The following BLK variants were observed in gnomAD, a reference collection of about 807,000 sequenced individuals.
The protein encoded by BLK is BLK proto-oncogene, Src family tyrosine kinase, also known as tyrosine-protein kinase Blk.
Under a neutral mutation model 61.8 loss-of-function variants are expected in BLK, and 64 were observed. The ratio of observed to expected loss-of-function variants is 1.03; its 90% CI spans 0.85 to 1.27. BLK has a LOEUF of 1.27. BLK is among the 50% of genes most tolerant of loss of function. The probability of loss-of-function intolerance (pLI) is 0.00; values close to 1 mark genes in which losing one functional copy is unlikely to be tolerated. For missense variants in BLK, 853 were observed against 660.5 expected (o/e 1.29, Z -3.19); for synonymous variants, 351 against 272.0 (o/e 1.29, Z -2.86).
At chr8:11,532,324 A>G (rs1434840670) in intron 1 of BLK, among the ~76,000 whole-genome samples, 1 of 149,836 alleles carries the variant, frequency 6.7e-6, no homozygotes, top group African/African-American at 2.5e-5. Context: ...TCAGGCTCCC[A>G]AGTAGCTAGG....
chr8:11,558,534 G>A (rs1801336638), intron 10 of BLK: 1 of 411,060 alleles, frequency 2.4e-6, no homozygotes. Flanking sequence ...ACACACAGAT[G>A]CCAGGGACAT....
At chr8:11,545,772 G>C (rs1331308881) in intron 2 of BLK, 3 of 492,440 alleles carry the variant, frequency 6.1e-6, no homozygotes, top group Non-Finnish European at 1.1e-5. Flanking sequence ...TTAAGCCCAA[G>C]TGGTTGGGCT....
intron 1 of BLK, among the ~76,000 whole-genome samples, chr8:11,517,881 CT>C (rs1413673055): frequency 1.3e-5 from 2 of 152,196 alleles, no homozygotes; most frequent in Admixed American, 6.5e-5. Flanking sequence ...CTGAAATTGA[CT>C]TCTTGGAAAG....
intron 10 of BLK, 106 bp from the exon 11 acceptor site, chr8:11,561,196 G>A (rs1467379983): frequency 6.8e-7 from 1 of 1,472,276 alleles, no homozygotes; most frequent in South Asian, 1.2e-5. Context: ...CCAAGAAACA[G>A]CTCCTTCCCC....
intron 1 of BLK, among the ~76,000 whole-genome samples, chr8:11,533,604 G>A (rs1260773273): frequency 1.9e-5 from 2 of 107,338 alleles, no homozygotes; most frequent in Admixed American, 1.7e-4. Flanking sequence ...AGGAGGAGGA[G>A]AAGGAGGAGG....
intron 1 of BLK, among the ~76,000 whole-genome samples, chr8:11,501,944 G>C (rs1291669580): frequency 6.6e-6 from 1 of 152,250 alleles, no homozygotes; most frequent in African/African-American, 2.4e-5. Context: ...CAGACAAGAT[G>C]CTCTTTTAAG....
At position 11,555,376 on chromosome 8, in the gene BLK, C is replaced by A. The variant is rs775132094; in HGVS notation, c.664C>A (p.Arg222Ser). 10 of 1,614,008 alleles carry A rather than the reference C, an allele frequency of 6.2e-6. No homozygotes were observed. The highest frequency in any genetic ancestry group is 7.6e-6 in the Non-Finnish European group (9 of 1,180,028). Residue 222 changes from arginine to serine, a missense_variant, in exon 8 of 13, where the codon CGC becomes AGC. Physicochemically the swap from Arg to Ser is moderately radical, Grantham distance 110 (BLOSUM62 -1). Coordinates refer to ENST00000259089, the MANE Select transcript of BLK (RefSeq NM_001715.3). ...CCAGAGGCTGACCCTGCCCTGTGTG[C>A]GCCCGGCCCCGCAGAATCCCTGGGC... ...LCQRLTLPCVRPAPQNPWAQD... is the reference protein window; with the variant it reads ...LCQRLTLPCVSPAPQNPWAQD...
In BLK at chr8:11,507,384, T is replaced by C. The variant is rs537468397; in HGVS notation, c.-2+12793T>C. On this transcript the variant is annotated intron_variant, in intron 1 of 12. Transcript: ENST00000259089. ...GCAGTGGCCCTGGCCTGGACCACCA[T>C]GTAGATGTCACTAATGGATCCTCCC... Among the ~76,000 whole-genome samples the C allele has an allele frequency of 6.6e-5, 10 of 152,312 alleles. No individual in the cohort carries two copies. In the East Asian group the frequency reaches 1.5e-3, roughly 24 times the overall value.
chr8:11,556,825 T>C lies in BLK; in HGVS notation c.940T>C (p.Tyr314His). Residue 314 changes from tyrosine (Y) to histidine (H), a missense_variant, in exon 9 of 13, where the codon TAC becomes CAC. Physicochemically the swap from Tyr to His is moderately conservative, Grantham distance 83. Transcript: ENST00000259089. ...TKEPIYIVTE[Y>H]MARGCLLDFL... ...GGAGCCCATCTACATTGTCACCGAGTACATGGCCAGAGGTGGTGCCCCCCG... is the reference window on the plus strand; with the variant it reads ...GGAGCCCATCTACATTGTCACCGAGCACATGGCCAGAGGTGGTGCCCCCCG... 6.2e-7 allele frequency: 1 copy of C among 1,613,892 alleles called. No homozygotes were observed. Among genetic ancestry groups the C allele is most frequent in the Non-Finnish European group, 8.5e-7 (1 of 1,179,926 alleles).
Position 11,530,797 on chromosome 8 carries a change from G to A in BLK, c.-1-12427G>A, listed in dbSNP as rs542668761. Among the ~76,000 whole-genome samples the A allele has an allele frequency of 3.9e-5, 6 of 152,308 alleles. No homozygotes were observed. The South Asian group carries it at 1.2e-3, about 32-fold the overall frequency. On this transcript the variant is annotated intron_variant, in intron 1 of 12. Coordinates refer to ENST00000259089, the MANE Select transcript of BLK (RefSeq NM_001715.3). ...ATGTTTTGGTTGTTTCCAGCTGGGA[G>A]CTAATTAATATGAGTAACAATGCTA...
intron 1 of BLK, among the ~76,000 whole-genome samples, chr8:11,536,004 A>T (rs939692668): frequency 6.6e-6 from 1 of 152,264 alleles, no homozygotes; most frequent in African/African-American, 2.4e-5. Context: ...TAAGACGTTG[A>T]GTTATATACG....
At chr8:11,501,708 A>T (rs1306379009) in intron 1 of BLK, among the ~76,000 whole-genome samples, 1 of 152,220 alleles carries the variant, frequency 6.6e-6, no homozygotes, top group African/African-American at 2.4e-5. Flanking sequence ...TTGCACTGTC[A>T]TATCCGTAGC....
At chr8:11,543,454 G>GT (rs763527313) in intron 2 of BLK, 107 bp downstream of exon 2, 2 of 1,452,230 alleles carry the variant, frequency 1.4e-6, no homozygotes, top group Non-Finnish European at 1.9e-6. Flanking sequence ...TGATAGGGAT[G>GT]TAACGATCTG....
At chr8:11,503,534 G>A (rs1012276755) in intron 1 of BLK, among the ~76,000 whole-genome samples, 7 of 152,164 alleles carry the variant, frequency 4.6e-5, no homozygotes, top group Non-Finnish European at 8.8e-5. Context: ...GCCTTATACA[G>A]GGTGACCCTT....
At chr8:11,534,796 C>A (rs1332009908) in intron 1 of BLK, among the ~76,000 whole-genome samples, 1 of 152,200 alleles carries the variant, frequency 6.6e-6, no homozygotes, top group Non-Finnish European at 1.5e-5. Flanking sequence ...CCTTACACAC[C>A]CAGCCAGGTG....
At chr8:11,520,476 C>CAAAAAAAAAAAAAAAAAA (rs71203393) in intron 1 of BLK, among the ~76,000 whole-genome samples, 1 of 69,680 alleles carries the variant, frequency 1.4e-5, no homozygotes, top group Non-Finnish European at 2.8e-5. Context: ...GACCTTGTCT[C>CAAAAAAAAAAAAAAAAAA]AAAAAAAAAA....
chr8:11,536,882 T>G (rs1236400199), intron 1 of BLK, among the ~76,000 whole-genome samples: 1 of 152,378 alleles, frequency 6.6e-6, no homozygotes, highest in Non-Finnish European at 1.5e-5. Flanking sequence ...TACAGAATCA[T>G]GCCCACTCTG....
chr8:11,542,946 T>A (rs2245260), intron 1 of BLK, among the ~76,000 whole-genome samples: 5 of 152,272 alleles, frequency 3.3e-5, no homozygotes, highest in East Asian at 3.9e-4. Flanking sequence ...CCTGAGGACC[T>A]GGATCCACCC....
intron 1 of BLK, among the ~76,000 whole-genome samples, chr8:11,513,518 C>T (rs1188075385): frequency 2.0e-5 from 3 of 152,196 alleles, no homozygotes; most frequent in South Asian, 2.1e-4. Flanking sequence ...TGTCCCTCAG[C>T]ATCCCCTAAA....
Sources: allele counts gnomAD v4.1 joint callset (sites outside exome capture counted in the v4.1 genomes callset), GRCh38; gene constraint gnomAD v4.1.1; transcripts MANE v1.5; gene names NCBI Gene and HGNC (gene_info 2026-07-23, HGNC 2026-07-21).